Variants in ATP8A2 observed in about 807,000 individuals in gnomAD.
ATP8A2 encodes the protein ATPase phospholipid transporting 8A2, also known as phospholipid-transporting ATPase IB.
A neutral mutation model predicts 165.6 loss-of-function variants in ATP8A2; 100 were observed. That is an observed-to-expected ratio of 0.60 (90% confidence interval 0.51 to 0.71). The LOEUF is 0.71. Ranked by LOEUF, ATP8A2 falls within the 30% of genes least tolerant of loss-of-function variation. The pLI, the probability that ATP8A2 is intolerant of heterozygous loss-of-function variation, is 0.00. For synonymous variants in ATP8A2, 543 were observed against 548.8 expected, an observed-to-expected ratio of 0.99 and a Z score of 0.15; for missense variants, 1,227 against 1,479.5, an observed-to-expected ratio of 0.83 and a Z score of 2.80.
chr13:25,751,162 T>C lies in ATP8A2; in HGVS notation c.2385-17884T>C, dbSNP rs217871. Among the ~76,000 whole-genome samples the C allele has an allele frequency of 4.0e-3, 604 of 152,322 alleles. 4 individuals carry two copies. Among genetic ancestry groups the C allele is most frequent in the African/African-American group, 0.014 (581 of 41,578 alleles). ...TGAAAGTAACTAAGTCAACCTCCCA[T>C]ACCTTGGCTTACTTTGAATTCAACC... On this transcript the variant is annotated intron_variant, in intron 25 of 36. Transcript: ENST00000381655.
At chr13:25,860,311 A>G in intron 31 of ATP8A2, 55 bp downstream of exon 31, 1 of 1,107,950 alleles carries the variant, frequency 9.0e-7, no homozygotes, top group Non-Finnish European at 1.4e-6. Flanking sequence ...TGTGGCTTGC[A>G]CTTCTCTAAA....
rs1321982129 is a variant in ATP8A2, at chr13:25,829,700, A to G, written c.2754+1508A>G. 5.3e-4 allele frequency among the ~76,000 whole-genome samples: 33 copies of G among 62,470 alleles called. 1 individual carries two copies. The highest frequency in any genetic ancestry group is 1.5e-3 in the African/African-American group (28 of 18,080). The allele number at this position is 62,470 out of a possible 152,430, so 41.0% of individuals were successfully genotyped here. ...TATATATATATATATATATATATATATATATATATATATATATATATCACC... is the reference window on the plus strand; with the variant it reads ...TATATATATATATATATATATATATGTATATATATATATATATATATCACC... On this transcript the variant is annotated intron_variant, in intron 28 of 36. Coordinates refer to ENST00000381655, the MANE Select transcript of ATP8A2 (RefSeq NM_016529.6).
chr13:25,976,936 C>T (rs1022337978), intron 35 of ATP8A2, among the ~76,000 whole-genome samples: 7 of 152,012 alleles, frequency 4.6e-5, no homozygotes, highest in South Asian at 2.1e-4. Context: ...TACAGGCACC[C>T]GCCACCATGC....
At chr13:25,528,171 C>T (rs1456901233) in intron 2 of ATP8A2, among the ~76,000 whole-genome samples, 1 of 152,170 alleles carries the variant, frequency 6.6e-6, no homozygotes, top group Non-Finnish European at 1.5e-5. Context: ...TTCACAGTGA[C>T]ATCCTGTTAT....
At chr13:25,420,327 G>A (rs186893307) in intron 1 of ATP8A2, among the ~76,000 whole-genome samples, 71 of 152,342 alleles carry the variant, frequency 4.7e-4, no homozygotes, top group African/African-American at 1.3e-3. Flanking sequence ...GCGGGGCTCC[G>A]TGGCCATCAA....
At chr13:25,375,460 G>A (rs1420033852) in intron 1 of ATP8A2, among the ~76,000 whole-genome samples, 1 of 152,204 alleles carries the variant, frequency 6.6e-6, no homozygotes, top group East Asian at 1.9e-4. Flanking sequence ...TTCTATGGAC[G>A]ACAGCATCAG....
intron 1 of ATP8A2, among the ~76,000 whole-genome samples, chr13:25,437,947 A>G (rs1397673896): frequency 6.6e-6 from 1 of 152,224 alleles, no homozygotes; most frequent in Non-Finnish European, 1.5e-5. Context: ...TAGATAAGGC[A>G]GCCTTATTTA....
chr13:25,485,891 A>G (rs2036336607), intron 2 of ATP8A2, among the ~76,000 whole-genome samples: 1 of 152,126 alleles, frequency 6.6e-6, no homozygotes, highest in African/African-American at 2.4e-5. Flanking sequence ...CATTGTTGGG[A>G]AAGAGTGAGT....
chr13:25,377,069 T>C (rs1188185292), intron 1 of ATP8A2, among the ~76,000 whole-genome samples: 1 of 152,232 alleles, frequency 6.6e-6, no homozygotes, highest in Non-Finnish European at 1.5e-5. Context: ...AACGGATGTG[T>C]TATCTTAAAC....
intron 30 of ATP8A2, among the ~76,000 whole-genome samples, chr13:25,857,569 C>T (rs9511959): frequency 2.3e-5 from 3 of 130,196 alleles, no homozygotes; most frequent in Admixed American, 8.9e-5. Flanking sequence ...TCTTTTTTTT[C>T]CTTTTTTTTT....
chr13:25,450,392 A>C (rs1305770065), intron 1 of ATP8A2, among the ~76,000 whole-genome samples: 1 of 152,190 alleles, frequency 6.6e-6, no homozygotes, highest in Admixed American at 6.5e-5. Context: ...TCTTTGAGGA[A>C]TCACCACACT....
intron 18 of ATP8A2, among the ~76,000 whole-genome samples, chr13:25,573,955 A>G (rs1307808493): frequency 6.6e-6 from 1 of 152,190 alleles, no homozygotes; most frequent in Non-Finnish European, 1.5e-5. Context: ...TTCATTGATT[A>G]CTTCTCTGAG....
At chr13:25,714,707 A>C (rs972784335) in intron 25 of ATP8A2, among the ~76,000 whole-genome samples, 4 of 152,196 alleles carry the variant, frequency 2.6e-5, no homozygotes, top group African/African-American at 9.6e-5. Context: ...ACAGTTGCTG[A>C]AGTTATGCTG....
chr13:25,589,538 A>C (rs2040011820), intron 23 of ATP8A2, 97 bp from the exon 24 acceptor site: 1 of 853,692 alleles, frequency 1.2e-6, no homozygotes. Context: ...TGTGTGAGCC[A>C]ATAGGCTTAA....
chr13:25,736,457 G>A lies in ATP8A2; in HGVS notation c.2385-32589G>A, dbSNP rs544578592. ...AGGTTGAAATGATTATTTGTAAACT[G>A]TTGACTGTCAGACGTTTCAGAGGGG... On this transcript the variant is annotated intron_variant, in intron 25 of 36. Coordinates refer to ENST00000381655, the MANE Select transcript of ATP8A2 (RefSeq NM_016529.6). Among the ~76,000 whole-genome samples, 4 of 152,320 alleles carry A rather than the reference G, an allele frequency of 2.6e-5. No individual in the cohort carries two copies. The South Asian group carries it at 8.3e-4, about 32-fold the overall frequency.
intron 27 of ATP8A2, among the ~76,000 whole-genome samples, chr13:25,787,090 T>C (rs1021799829): frequency 6.6e-6 from 1 of 152,196 alleles, no homozygotes; most frequent in African/African-American, 2.4e-5. Flanking sequence ...GCCATAGTAC[T>C]ATGACTCTTG....
intron 33 of ATP8A2, among the ~76,000 whole-genome samples, chr13:25,864,501 G>A (rs1952449543): frequency 6.6e-6 from 1 of 152,184 alleles, no homozygotes; most frequent in Non-Finnish European, 1.5e-5. Context: ...ATGATGGTCT[G>A]TATGGTTATA....
intron 33 of ATP8A2, among the ~76,000 whole-genome samples, chr13:25,872,689 C>G (rs1952711531): frequency 6.6e-6 from 1 of 152,164 alleles, no homozygotes; most frequent in Non-Finnish European, 1.5e-5. Context: ...ACAATTCTAA[C>G]TGGCTTAGAG....
At chr13:25,536,271 C>G (rs1187450425) in intron 6 of ATP8A2, among the ~76,000 whole-genome samples, 1 of 120,110 alleles carries the variant, frequency 8.3e-6, no homozygotes, top group Admixed American at 8.4e-5. Context: ...ACCACCATGC[C>G]CGGTTAATTT....
Sources: gnomAD v4.1 joint callset for allele counts (sites outside exome capture counted in the v4.1 genomes callset) on GRCh38, gnomAD v4.1.1 for gene constraint, MANE v1.5 for transcripts, NCBI Gene and HGNC (gene_info 2026-07-23, HGNC 2026-07-21) for gene names.